The following NLRP1 variants were observed in gnomAD, a reference collection of about 807,000 sequenced individuals.
NLRP1 encodes NLR family pyrin domain containing 1.
NLRP1 carries 94 observed loss-of-function variants against 136.7 expected under a neutral mutation model. The observed-to-expected ratio is 0.69, with a 90% CI of 0.58 to 0.82. NLRP1 has a LOEUF of 0.82. Ranked by LOEUF, NLRP1 falls within the 40% of genes least tolerant of loss-of-function variation. The pLI, the probability that NLRP1 is intolerant of heterozygous loss-of-function variation, is 0.00. For synonymous variants in NLRP1, 690 were observed against 725.1 expected (o/e 0.95, Z 0.78); for missense variants, 1,575 against 1,802.7 (o/e 0.87, Z 2.29).
Position 5,514,571 on chromosome 17 carries a change from TG to T in NLRP1, c.*182del. 1.4e-6 allele frequency: 2 copies of T among 1,438,254 alleles called. No homozygotes were observed. Among genetic ancestry groups the T allele is most frequent in the East Asian group, 2.5e-5 (1 of 39,802 alleles). The allele number at this position is 1,438,254 out of a possible 1,614,324, so 89.1% of individuals were successfully genotyped here. On this transcript the variant is annotated 3_prime_UTR_variant, in exon 17 of 17. Coordinates refer to ENST00000572272, the MANE Select transcript of NLRP1 (RefSeq NM_033004.4). The stretch of plus-strand genomic sequence containing the variant: ...TGAGATGCTGTTAGGCCACCTGGAC[TG>T]GGGCCCCCTGTGGCATCCCTGGCAT...
chr17:5,555,717 G>A (rs890148647), intron 4 of NLRP1, among the ~76,000 whole-genome samples: 4 of 152,168 alleles, frequency 2.6e-5, no homozygotes, highest in African/African-American at 9.7e-5. Context: ...GCCAAGAACA[G>A]GAGAATGGTC....
At chr17:5,556,237 C>G (rs1440643755) in intron 4 of NLRP1, among the ~76,000 whole-genome samples, 2 of 151,914 alleles carry the variant, frequency 1.3e-5, no homozygotes, top group Non-Finnish European at 2.9e-5. Flanking sequence ...CTTGCTTGAG[C>G]CCAGGAGTTT....
chr17:5,502,017 G>A (rs1468928813), intron 15 of NLRP1: 5 of 697,632 alleles, frequency 7.2e-6, no homozygotes, highest in African/African-American at 1.7e-5. Context: ...AAAGGCCCCG[G>A]GGTGAACCAA....
chr17:5,563,977 G>A (rs966381537), intron 3 of NLRP1, among the ~76,000 whole-genome samples: 1 of 152,136 alleles, frequency 6.6e-6, no homozygotes. Context: ...GAAGAGATTG[G>A]GGGCCTATAT....
At chr17:5,549,575 C>A (rs1913077131) in intron 5 of NLRP1, among the ~76,000 whole-genome samples, 1 of 152,216 alleles carries the variant, frequency 6.6e-6, no homozygotes, top group Admixed American at 6.5e-5. Flanking sequence ...GCCACCACAC[C>A]TGGCCCTAAT....
chr17:5,571,062 C>T (rs368393954), intron 3 of NLRP1, among the ~76,000 whole-genome samples: 1 of 152,132 alleles, frequency 6.6e-6, no homozygotes, highest in Admixed American at 6.6e-5. Flanking sequence ...ATTCAACATC[C>T]TTCAATGTTA....
At chr17:5,512,695 C>T (rs1378126732), downstream of NLRP1, among the ~76,000 whole-genome samples, 2 of 143,448 alleles carry the variant, frequency 1.4e-5, no homozygotes, top group African/African-American at 2.6e-5. Flanking sequence ...ATTTCATGTT[C>T]TGTTGTCACC....
chr17:5,527,588 G>C (rs1909718856), intron 12 of NLRP1, among the ~76,000 whole-genome samples: 1 of 152,178 alleles, frequency 6.6e-6, no homozygotes, highest in Non-Finnish European at 1.5e-5. Context: ...GGTACACCAA[G>C]GGAAAACTGT....
At chr17:5,512,525 T>TAGGAC (rs1486192533), downstream of NLRP1, 4 of 605,692 alleles carry the variant, frequency 6.6e-6, no homozygotes, top group Non-Finnish European at 1.2e-5. Context: ...TCCCATTGAC[T>TAGGAC]GTCCTCTTGG....
chr17:5,556,161 C>CACATATAT (rs908575596), intron 4 of NLRP1, among the ~76,000 whole-genome samples: 1 of 118,298 alleles, frequency 8.5e-6, no homozygotes, highest in Non-Finnish European at 1.8e-5. Context: ...CACACACACA[C>CACATATAT]ATGAAGGGCT....
chr17:5,521,162 A>G (rs1908855419), intron 13 of NLRP1, 150 bp from the exon 14 acceptor site: 1 of 749,506 alleles, frequency 1.3e-6, no homozygotes, highest in Non-Finnish European at 2.1e-6. Flanking sequence ...CTACAGAGAC[A>G]GCCCGCACTT....
At chr17:5,526,786 C>T (rs1432542653) in intron 12 of NLRP1, among the ~76,000 whole-genome samples, 1 of 152,218 alleles carries the variant, frequency 6.6e-6, no homozygotes, top group Non-Finnish European at 1.5e-5. Flanking sequence ...TCATTTTGTG[C>T]TGGGCCCTAT....
Position 5,559,351 on chromosome 17 carries a change from G to A in NLRP1, c.1345C>T (p.Leu449Phe). Residue 449 changes from leucine to phenylalanine, a missense_variant, in exon 4 of 17, where the codon CTT becomes TTT. By Grantham distance (22) the Leu-to-Phe change is conservative. Transcript: ENST00000572272. ...GTGATCAGGAAGGATGCCTCGGGAAGTATAGTTTTCCCCAGCAAACTGCCC... is the reference window on the plus strand; with the variant it reads ...GTGATCAGGAAGGATGCCTCGGGAAATATAGTTTTCCCCAGCAAACTGCCC... ...LLGSLLGKTILPEASFLITAR... is the reference protein window; with the variant it reads ...LLGSLLGKTIFPEASFLITAR... 1 of 1,614,030 alleles carries A rather than the reference G, an allele frequency of 6.2e-7. No individual in the cohort carries two copies.
intron 4 of NLRP1, among the ~76,000 whole-genome samples, chr17:5,555,629 C>G (rs1314264894): frequency 6.6e-6 from 1 of 152,152 alleles, no homozygotes; most frequent in South Asian, 2.1e-4. Context: ...TCCACTGCTA[C>G]TTGCAGTACC....
intron 8 of NLRP1, among the ~76,000 whole-genome samples, chr17:5,534,346 G>A (rs1910745463): frequency 2.0e-5 from 3 of 152,138 alleles, no homozygotes; most frequent in Non-Finnish European, 4.4e-5. Context: ...TCCAGTCTGG[G>A]TGACAGAGCC....
intron 4 of NLRP1, 78 bp from the exon 5 acceptor site, chr17:5,553,634 G>T (rs1367369726): frequency 5.9e-6 from 8 of 1,351,542 alleles, no homozygotes; most frequent in Non-Finnish European, 4.1e-6. Flanking sequence ...GCACAACACA[G>T]TTGGGCTTTG....
At chr17:5,546,797 A>G (rs1187393064) in intron 5 of NLRP1, among the ~76,000 whole-genome samples, 1 of 152,218 alleles carries the variant, frequency 6.6e-6, no homozygotes, top group Non-Finnish European at 1.5e-5. Flanking sequence ...GAGAAATACA[A>G]TAGTTAGGAC....
At position 5,532,813 on chromosome 17, in the gene NLRP1, C is replaced by G. The variant is rs776528033; in HGVS notation, c.3296+9G>C. ...GCCAGCCTGGGACCAGCAGAGCCCC[C>G]TCACTCACCGGTACAAGTTCTTTTC... On this transcript the variant is annotated intron_variant, in intron 11 of 16. Coordinates refer to ENST00000572272, the MANE Select transcript of NLRP1 (RefSeq NM_033004.4). 1.9e-6 allele frequency: 3 copies of G among 1,587,166 alleles called. No individual in the cohort carries two copies. The South Asian group carries it at 3.4e-5, about 18-fold the overall frequency.
chr17:5,555,854 A>G (rs1567657612), intron 4 of NLRP1, among the ~76,000 whole-genome samples: 1 of 151,770 alleles, frequency 6.6e-6, no homozygotes, highest in Non-Finnish European at 1.5e-5. Flanking sequence ...GCACTTTGGG[A>G]GGCTGAGGCA....
Sources: allele counts gnomAD v4.1 joint callset (sites outside exome capture counted in the v4.1 genomes callset), GRCh38; gene constraint gnomAD v4.1.1; transcripts MANE v1.5; gene names NCBI Gene and HGNC (gene_info 2026-07-23, HGNC 2026-07-21).